Variants in ZMAT4 observed in about 807,000 individuals in gnomAD.
The protein encoded by ZMAT4 is zinc finger matrin-type protein 4.
Under a neutral mutation model 28.7 loss-of-function variants are expected in ZMAT4, and 17 were observed. The ratio of observed to expected loss-of-function variants is 0.59; its 90% CI spans 0.41 to 0.89. The LOEUF is 0.89. ZMAT4 is among the 40% of genes least tolerant of loss of function. ZMAT4 has a pLI of 0.00. For missense variants in ZMAT4, 240 were observed against 283.8 expected, an observed-to-expected ratio of 0.85 and a Z score of 1.11; for synonymous variants, 117 against 109.2, an observed-to-expected ratio of 1.07 and a Z score of -0.44.
At chr8:40,639,119 C>T (rs970337208) in intron 5 of ZMAT4, among the ~76,000 whole-genome samples, 1 of 152,222 alleles carries the variant, frequency 6.6e-6, no homozygotes, top group Admixed American at 6.5e-5. Context: ...ATGGGAGGGA[C>T]ATATGCTGCA....
At chr8:40,880,118 A>C (rs1376148048) in intron 1 of ZMAT4, among the ~76,000 whole-genome samples, 1 of 152,222 alleles carries the variant, frequency 6.6e-6, no homozygotes, top group Non-Finnish European at 1.5e-5. Context: ...CTATAATCCC[A>C]GCACTTTGGA....
chr8:40,737,581 C>T (rs929356546), intron 3 of ZMAT4, among the ~76,000 whole-genome samples: 6 of 152,132 alleles, frequency 3.9e-5, no homozygotes, highest in Admixed American at 1.3e-4. Flanking sequence ...CCTACTGGCA[C>T]GGTCATTAGC....
At chr8:40,532,416 A>T (rs201259961) in intron 6 of ZMAT4, among the ~76,000 whole-genome samples, 178 bp from the exon 7 acceptor site, 3 of 7,184 alleles carry the variant, frequency 4.2e-4, no homozygotes, top group Non-Finnish European at 2.0e-4. Context: ...TGTATATATA[A>T]AATATCTCCA....
At chr8:40,666,815 A>G (rs549895778) in intron 5 of ZMAT4, among the ~76,000 whole-genome samples, 2 of 152,298 alleles carry the variant, frequency 1.3e-5, no homozygotes, top group East Asian at 3.9e-4. Flanking sequence ...CAATCAATAT[A>G]TCGGAAAAAA....
intron 3 of ZMAT4, among the ~76,000 whole-genome samples, chr8:40,750,261 G>A (rs1812402632): frequency 6.6e-6 from 1 of 152,094 alleles, no homozygotes; most frequent in Non-Finnish European, 1.5e-5. Context: ...ACAGTCACAA[G>A]CCAGAATGTA....
At chr8:40,672,164 A>G (rs1418130848) in intron 5 of ZMAT4, among the ~76,000 whole-genome samples, 2 of 152,236 alleles carry the variant, frequency 1.3e-5, no homozygotes, top group Non-Finnish European at 2.9e-5. Context: ...AAAGAGAAAA[A>G]GCCTACCATC....
intron 2 of ZMAT4, among the ~76,000 whole-genome samples, chr8:40,795,253 T>C (rs1264772716): frequency 6.6e-6 from 1 of 152,090 alleles, no homozygotes; most frequent in African/African-American, 2.4e-5. Flanking sequence ...AGAACAGTTG[T>C]GGCCAATGGT....
intron 1 of ZMAT4, among the ~76,000 whole-genome samples, chr8:40,849,241 C>T (rs1817015849): frequency 6.6e-6 from 1 of 152,258 alleles, no homozygotes; most frequent in South Asian, 2.1e-4. Context: ...GGCCTCAGGC[C>T]ACTCTCAACA....
chr8:40,680,737 C>G (rs1209382296), intron 4 of ZMAT4, among the ~76,000 whole-genome samples: 1 of 149,134 alleles, frequency 6.7e-6, no homozygotes, highest in East Asian at 2.0e-4. Context: ...CACACATATA[C>G]TTTCTCTCTC....
chr8:40,891,575 T>C (rs1171658301), intron 1 of ZMAT4, among the ~76,000 whole-genome samples: 1 of 152,226 alleles, frequency 6.6e-6, no homozygotes, highest in South Asian at 2.1e-4. Context: ...CTGAGGCTTC[T>C]CCACGCCTTG....
chr8:40,624,482 G>A (rs1806303079), intron 5 of ZMAT4, among the ~76,000 whole-genome samples: 1 of 152,182 alleles, frequency 6.6e-6, no homozygotes, highest in Non-Finnish European at 1.5e-5. Context: ...CTAAGATAAT[G>A]TCCACCTTCC....
intron 5 of ZMAT4, among the ~76,000 whole-genome samples, chr8:40,672,144 G>A (rs1051579815): frequency 6.6e-6 from 1 of 152,150 alleles, no homozygotes; most frequent in African/African-American, 2.4e-5. Flanking sequence ...TGTGAGAAGT[G>A]CTATGAGAGA....
intron 5 of ZMAT4, among the ~76,000 whole-genome samples, chr8:40,662,622 C>A (rs1808249285): frequency 6.6e-6 from 1 of 152,132 alleles, no homozygotes; most frequent in Non-Finnish European, 1.5e-5. Flanking sequence ...ACAGGCAAAA[C>A]CCATCCCAGC....
chr8:40,841,689 C>A (rs940466763), intron 1 of ZMAT4, among the ~76,000 whole-genome samples: 1 of 152,218 alleles, frequency 6.6e-6, no homozygotes, highest in Non-Finnish European at 1.5e-5. Context: ...CTGTACTCAG[C>A]ACCCAGCACC....
At chr8:40,712,943 A>T (rs747987116) in intron 3 of ZMAT4, among the ~76,000 whole-genome samples, 16 of 152,084 alleles carry the variant, frequency 1.1e-4, no homozygotes, top group Non-Finnish European at 1.9e-4. Context: ...AAGTTTGAAC[A>T]CTGGAGGTTG....
At chr8:40,875,800 G>A (rs1818023419) in intron 1 of ZMAT4, among the ~76,000 whole-genome samples, 1 of 152,154 alleles carries the variant, frequency 6.6e-6, no homozygotes, top group Admixed American at 6.5e-5. Flanking sequence ...CCGCCCTTCT[G>A]TGCATCCATC....
intron 1 of ZMAT4, among the ~76,000 whole-genome samples, chr8:40,839,529 T>C (rs1253851327): frequency 6.6e-6 from 1 of 152,250 alleles, no homozygotes; most frequent in Non-Finnish European, 1.5e-5. Flanking sequence ...CACTTGTATG[T>C]TTATTACAGC....
chr8:40,850,953 A>G (rs1227150158), intron 1 of ZMAT4, among the ~76,000 whole-genome samples: 1 of 152,226 alleles, frequency 6.6e-6, no homozygotes, highest in Admixed American at 6.5e-5. Flanking sequence ...AAACTGAGAA[A>G]TGTTTAAAAT....
intron 5 of ZMAT4, among the ~76,000 whole-genome samples, chr8:40,667,846 A>AC (rs1554536476): frequency 2.7e-4 from 38 of 141,762 alleles, no homozygotes; most frequent in East Asian, 1.6e-3. Flanking sequence ...AAAAAAAAAA[A>AC]AACAACAAAA....
Sources: gnomAD v4.1 joint callset for allele counts (sites outside exome capture counted in the v4.1 genomes callset) on GRCh38, gnomAD v4.1.1 for gene constraint, MANE v1.5 for transcripts, NCBI Gene and HGNC (gene_info 2026-07-23, HGNC 2026-07-21) for gene names.